KIAA1958: variants seen among roughly 807,000 people sequenced by gnomAD.
KIAA1958 encodes the protein uncharacterized protein KIAA1958.
A neutral mutation model predicts 47.2 loss-of-function variants in KIAA1958; 14 were observed. The ratio of observed to expected loss-of-function variants is 0.30; its 90% CI spans 0.20 to 0.46. The LOEUF (loss-of-function observed/expected upper bound fraction) is 0.46. Ranked by LOEUF, KIAA1958 falls within the 20% of genes least tolerant of loss-of-function variation. KIAA1958 has a pLI of 1.00. For missense variants in KIAA1958, 803 were observed against 909.2 expected (o/e 0.88, Z 1.50); for synonymous variants, 354 against 353.3 (o/e 1.00, Z -0.02).
At chr9:112,587,884 TTAA>T (rs1309752821) in intron 2 of KIAA1958, among the ~76,000 whole-genome samples, 2 of 152,242 alleles carry the variant, frequency 1.3e-5, no homozygotes, top group Non-Finnish European at 2.9e-5. Context: ...ATTTATCAAC[TTAA>T]TAAAATATCC....
At position 112,665,049 on chromosome 9, in the gene KIAA1958, A is replaced by T. The variant is rs1043448319; in HGVS notation, c.*4980A>T. ...AATTAAAGTGCTTATTATTTAGCTA[A>T]AACAACTTATATGGAAGTTAATTAT... On this transcript the variant is annotated 3_prime_UTR_variant, in exon 4 of 4. Transcript: ENST00000337530. 2 of 152,146 alleles carry T rather than the reference A, an allele frequency of 1.3e-5. No homozygotes were observed. Among genetic ancestry groups the T allele is most frequent in the East Asian group, 3.8e-4 (2 of 5,202 alleles). The allele number at this position is 152,146 out of a possible 1,614,324, so 9.4% of individuals were successfully genotyped here.
intron 2 of KIAA1958, among the ~76,000 whole-genome samples, chr9:112,603,229 C>A (rs1395363428): frequency 6.6e-6 from 1 of 151,890 alleles, no homozygotes; most frequent in Non-Finnish European, 1.5e-5. Context: ...TTTTAAAGCA[C>A]CTTATTCAAG....
chr9:112,577,139 G>C (rs768235930), intron 2 of KIAA1958, among the ~76,000 whole-genome samples: 1 of 151,968 alleles, frequency 6.6e-6, no homozygotes, highest in Non-Finnish European at 1.5e-5. Context: ...TTAGCCATTT[G>C]TATATTTTCT....
chr9:112,588,071 A>G (rs1048483495), intron 2 of KIAA1958, among the ~76,000 whole-genome samples: 2 of 152,198 alleles, frequency 1.3e-5, no homozygotes, highest in African/African-American at 4.8e-5. Context: ...CAGTGTCCCT[A>G]TTCATTCCAC....
intron 1 of KIAA1958, among the ~76,000 whole-genome samples, chr9:112,516,471 C>T (rs1378615415): frequency 6.6e-6 from 1 of 152,028 alleles, no homozygotes; most frequent in South Asian, 2.1e-4. Flanking sequence ...TTAAATAAGT[C>T]GAGATATACT....
rs1189264294 is a variant in KIAA1958 at position 112,660,022 on chromosome 9, T to G, written c.2104T>G (p.Phe702Val). Residue 702 changes from phenylalanine to valine, a missense_variant, in exon 4 of 4, where the codon TTC (phenylalanine) becomes GTC (valine). Coordinates refer to ENST00000337530, the MANE Select transcript of KIAA1958 (RefSeq NM_133465.4). ...CTGTGAGAACTTCACCTTTGTCTCG[T>G]TCACTCAGGTCTCCCGGAGGCTTGG... ...ENCENFTFVS[F>V]TQVSRRLGSH... 1 of 1,614,046 alleles carries G rather than the reference T, an allele frequency of 6.2e-7. No individual in the cohort carries two copies. The highest frequency in any genetic ancestry group is 1.7e-5 in the Admixed American group (1 of 60,036).
chr9:112,506,426 A>T (rs986925503), intron 1 of KIAA1958, among the ~76,000 whole-genome samples: 5 of 152,214 alleles, frequency 3.3e-5, no homozygotes, highest in Non-Finnish European at 4.4e-5. Context: ...ACTACACTCT[A>T]GCCTGGGTGA....
chr9:112,556,237 G>C (rs1430330612), intron 1 of KIAA1958, among the ~76,000 whole-genome samples: 1 of 152,142 alleles, frequency 6.6e-6, no homozygotes, highest in Admixed American at 6.5e-5. Context: ...GTCAATTTCT[G>C]TCCCTGTTAC....
chr9:112,588,753 A>G (rs1835871066), intron 2 of KIAA1958, among the ~76,000 whole-genome samples: 2 of 151,940 alleles, frequency 1.3e-5, no homozygotes, highest in African/African-American at 4.8e-5. Flanking sequence ...GGACTAATTG[A>G]TTTACCCTAA....
intron 2 of KIAA1958, among the ~76,000 whole-genome samples, chr9:112,644,832 T>TA (rs200356680): frequency 2.0e-3 from 296 of 149,572 alleles, no homozygotes; most frequent in African/African-American, 6.2e-3. Context: ...AACAAAACTT[T>TA]AAAAAAAAAA....
chr9:112,594,353 G>A (rs1835979128), intron 2 of KIAA1958, among the ~76,000 whole-genome samples: 1 of 152,122 alleles, frequency 6.6e-6, no homozygotes, highest in Admixed American at 6.5e-5. Flanking sequence ...GTATATTGTT[G>A]TGCTGCCATC....
chr9:112,617,994 A>G, intron 2 of KIAA1958: 1 of 1,550,420 alleles, frequency 6.4e-7, no homozygotes, highest in Non-Finnish European at 8.7e-7. Flanking sequence ...GAAACAAGAG[A>G]GATTTATGTC....
chr9:112,521,144 T>C (rs1478964822), intron 1 of KIAA1958, among the ~76,000 whole-genome samples: 1 of 152,210 alleles, frequency 6.6e-6, no homozygotes, highest in Non-Finnish European at 1.5e-5. Flanking sequence ...TTCTTTGCTT[T>C]GCCTGTTTTC....
chr9:112,532,527 C>A (rs1171478757), intron 1 of KIAA1958, among the ~76,000 whole-genome samples: 2 of 152,116 alleles, frequency 1.3e-5, no homozygotes, highest in African/African-American at 4.8e-5. Context: ...CTGGAGTGAT[C>A]CTTTCTTTGA....
At chr9:112,632,589 A>T (rs1462653580) in intron 2 of KIAA1958, among the ~76,000 whole-genome samples, 1 of 152,138 alleles carries the variant, frequency 6.6e-6, no homozygotes, top group Non-Finnish European at 1.5e-5. Context: ...CATTTTAATT[A>T]TAATGCCTAT....
rs1836216038 is a variant in KIAA1958, at chr9:112,605,507, A to G, written c.1171+30256A>G. 2.6e-5 allele frequency among the ~76,000 whole-genome samples: 4 copies of G among 152,328 alleles called. No individual in the cohort carries two copies. The South Asian group carries it at 8.3e-4, about 32-fold the overall frequency. ...TTCCTACTTACACAAAGCAGAGTTT[A>G]TTGAAGATTTTCTTAATATGGGAGA... On this transcript the variant is annotated intron_variant, in intron 2 of 3. Transcript: ENST00000337530.
intron 3 of KIAA1958, among the ~76,000 whole-genome samples, chr9:112,652,700 G>A (rs786991): frequency 0.74 from 112,799 of 152,020 alleles, 42,075 homozygotes; most frequent in African/African-American, 0.76. Context: ...GCTTACTGCA[G>A]CCTCTACCTC....
intron 1 of KIAA1958, among the ~76,000 whole-genome samples, chr9:112,495,253 G>C (rs1367671188): frequency 6.6e-6 from 1 of 152,046 alleles, no homozygotes; most frequent in Non-Finnish European, 1.5e-5. Context: ...ATATGTTACA[G>C]TTCTCATCTT....
chr9:112,644,027 A>C (rs1014261129), intron 2 of KIAA1958, among the ~76,000 whole-genome samples: 2 of 151,862 alleles, frequency 1.3e-5, no homozygotes, highest in African/African-American at 4.8e-5. Flanking sequence ...AAAATACAAA[A>C]ATTAGCCGGG....
Sources: gnomAD v4.1 joint callset for allele counts (sites outside exome capture counted in the v4.1 genomes callset) on GRCh38, gnomAD v4.1.1 for gene constraint, MANE v1.5 for transcripts, NCBI Gene and HGNC (gene_info 2026-07-23, HGNC 2026-07-21) for gene names.